The following USH2A variants were observed in gnomAD, a reference collection of about 807,000 sequenced individuals.
The protein encoded by USH2A is Usher syndrome 2A (autosomal recessive, mild).
Under a neutral mutation model 538.9 loss-of-function variants are expected in USH2A, and 443 were observed. That is an observed-to-expected ratio of 0.82 (90% CI 0.76 to 0.89). The LOEUF (loss-of-function observed/expected upper bound fraction) is 0.89. Ranked by LOEUF, USH2A falls within the 40% of genes least tolerant of loss-of-function variation. USH2A has a pLI of 0.00. For missense variants in USH2A, 6,633 were observed against 6,324.8 expected (o/e 1.05, Z -1.65); for synonymous variants, 2,413 against 2,273.5 (o/e 1.06, Z -1.75).
intron 21 of USH2A, among the ~76,000 whole-genome samples, chr1:216,147,103 C>T (rs1285335086): frequency 6.6e-6 from 1 of 152,142 alleles, no homozygotes; most frequent in East Asian, 1.9e-4. Flanking sequence ...ACCAGTTAAA[C>T]TCATCCCAAA....
intron 61 of USH2A, among the ~76,000 whole-genome samples, chr1:215,681,175 T>C (rs1658215287): frequency 6.6e-6 from 1 of 152,176 alleles, no homozygotes; most frequent in African/African-American, 2.4e-5. Context: ...AGCATTAACA[T>C]ATTTGGCATA....
At chr1:215,676,544 C>T (rs751367451) in intron 62 of USH2A, among the ~76,000 whole-genome samples, 2 of 152,206 alleles carry the variant, frequency 1.3e-5, no homozygotes, top group Non-Finnish European at 2.9e-5. Context: ...ACCCTTGAAA[C>T]ATTCCCAGAA....
intron 16 of USH2A, among the ~76,000 whole-genome samples, chr1:216,203,082 T>C (rs1286870848): frequency 6.6e-6 from 1 of 152,170 alleles, no homozygotes; most frequent in Non-Finnish European, 1.5e-5. Context: ...ACATGAATGA[T>C]TTTTCTATAC....
intron 19 of USH2A, among the ~76,000 whole-genome samples, chr1:216,195,257 C>T (rs966656675): frequency 1.3e-5 from 2 of 152,004 alleles, no homozygotes; most frequent in South Asian, 2.1e-4. Context: ...AGCCAAAAGC[C>T]GTAATACATT....
At chr1:216,262,064 G>A (rs181036593) in intron 11 of USH2A, among the ~76,000 whole-genome samples, 1 of 152,198 alleles carries the variant, frequency 6.6e-6, no homozygotes, top group Non-Finnish European at 1.5e-5. Context: ...ATCTACAGGA[G>A]TAAATCTTTC....
chr1:215,766,670 T>G lies in USH2A; in HGVS notation c.11047+11A>C. 3 of 1,610,308 alleles carry G rather than the reference T, an allele frequency of 1.9e-6. No homozygotes were observed. Among genetic ancestry groups the G allele is most frequent in the Non-Finnish European group, 2.5e-6 (3 of 1,176,626 alleles). ...ATTTCTTCCCTCAAACCATGGATAT[T>G]GTTTCATTACCTTCAGGAGCTGCCT... is the stretch of plus-strand genomic sequence containing the variant. On this transcript the variant is annotated intron_variant, in intron 56 of 71. Coordinates refer to ENST00000307340, the MANE Select transcript of USH2A (RefSeq NM_206933.4).
chr1:216,273,052 T>C lies in USH2A; in HGVS notation c.1971+16228A>G, dbSNP rs563051484. On this transcript the variant is annotated intron_variant, in intron 11 of 71. Coordinates refer to ENST00000307340, the MANE Select transcript of USH2A (RefSeq NM_206933.4). ...TAAAAATGATTATAATGAAACTAGG[T>C]GACCAGCTGTGCCCAGAAGCCTCCC... 3.3e-5 allele frequency among the ~76,000 whole-genome samples: 5 copies of C among 152,010 alleles called. No individual in the cohort carries two copies. The East Asian group carries it at 7.8e-4, about 24-fold the overall frequency.
intron 4 of USH2A, among the ~76,000 whole-genome samples, chr1:216,337,886 ATTT>A (rs1231504711): frequency 6.6e-6 from 1 of 151,356 alleles, no homozygotes; most frequent in Non-Finnish European, 1.5e-5. Flanking sequence ...ATAAAATGCA[ATTT>A]AATAAAAGAT....
At chr1:216,048,841 G>A (rs1320521753) in intron 30 of USH2A, among the ~76,000 whole-genome samples, 194 bp from the exon 31 acceptor site, 1 of 152,136 alleles carries the variant, frequency 6.6e-6, no homozygotes, top group East Asian at 1.9e-4. Context: ...AAGGACTCAT[G>A]AGAAAAAATT....
At chr1:216,162,468 G>A (rs1016392321) in intron 21 of USH2A, among the ~76,000 whole-genome samples, 2 of 151,630 alleles carry the variant, frequency 1.3e-5, no homozygotes, top group African/African-American at 2.4e-5. Context: ...TGCCTCTATC[G>A]ACTATTAACA....
chr1:216,291,419 T>G (rs149945326), intron 10 of USH2A, among the ~76,000 whole-genome samples: 70 of 152,328 alleles, frequency 4.6e-4, no homozygotes, highest in African/African-American at 1.6e-3. Context: ...CTTTCAATAG[T>G]CTGTCTTTCC....
rs139884389 is a variant in USH2A at position 215,709,483 on chromosome 1, G to A, written c.12066+18547C>T. Among the ~76,000 whole-genome samples, 911 of 151,214 alleles carry A rather than the reference G, an allele frequency of 6.0e-3. 12 individuals are homozygous for A. Among genetic ancestry groups the A allele is most frequent in the African/African-American group, 0.02 (838 of 41,106 alleles). On this transcript the variant is annotated intron_variant, in intron 61 of 71. Coordinates refer to ENST00000307340, the MANE Select transcript of USH2A (RefSeq NM_206933.4). ...ACCTATTATTAAGAAGAAAAACAGA[G>A]CAAAATCTTTTTCCTCTTTGAAAAT...
chr1:215,969,704 G>A (rs914557984), intron 36 of USH2A, among the ~76,000 whole-genome samples: 2 of 152,006 alleles, frequency 1.3e-5, no homozygotes, highest in African/African-American at 4.8e-5. Flanking sequence ...TGCTTGGAAA[G>A]CAACCAATCT....
chr1:216,406,583 T>C (rs939755595), intron 3 of USH2A, among the ~76,000 whole-genome samples: 1 of 152,190 alleles, frequency 6.6e-6, no homozygotes, highest in African/African-American at 2.4e-5. Context: ...GTTTTCAAAG[T>C]GTATGGGGTC....
intron 4 of USH2A, among the ~76,000 whole-genome samples, chr1:216,331,149 C>T (rs1487229506): frequency 1.3e-5 from 2 of 151,854 alleles, no homozygotes; most frequent in Non-Finnish European, 2.9e-5. Flanking sequence ...ATCATCCATC[C>T]CAAATAAAAG....
chr1:216,337,167 A>C (rs2102673092), intron 4 of USH2A, among the ~76,000 whole-genome samples: 1 of 151,596 alleles, frequency 6.6e-6, no homozygotes, highest in Admixed American at 6.6e-5. Context: ...AAAATATCTT[A>C]ATATTAATGA....
At chr1:216,161,801 T>G (rs1292946743) in intron 21 of USH2A, among the ~76,000 whole-genome samples, 1 of 152,082 alleles carries the variant, frequency 6.6e-6, no homozygotes, top group Non-Finnish European at 1.5e-5. Context: ...ACTGGTAGTT[T>G]TCTTTTGTTG....
At chr1:216,240,701 C>T (rs2035921541) in intron 13 of USH2A, among the ~76,000 whole-genome samples, 2 of 152,154 alleles carry the variant, frequency 1.3e-5, no homozygotes, top group South Asian at 2.1e-4. Flanking sequence ...AAAATTTTCT[C>T]CTCAAATTAC....
chr1:215,628,957 T>A lies in USH2A; in HGVS notation c.15376A>T (p.Ile5126Phe), dbSNP rs1027282224. Reference sequence around the variant, plus strand: ...AGGCTGGTTTGGTTTTGACTCGGGATGCGCAGGACACATGCACTCCGGTTG... The same window carrying A: ...AGGCTGGTTTGGTTTTGACTCGGGAAGCGCAGGACACATGCACTCCGGTTG... ...RSNRSACVLR[I>F]PSQNQTSLTY... Residue 5126 changes from isoleucine to phenylalanine, a missense_variant, in exon 71 of 72, where the codon ATC becomes TTC. Ile to Phe is a conservative substitution (Grantham distance 21). Transcript: ENST00000307340. 6.2e-6 allele frequency: 10 copies of A among 1,613,984 alleles called. No individual in the cohort carries two copies. Among genetic ancestry groups the A allele is most frequent in the Non-Finnish European group, 8.5e-6 (10 of 1,180,048 alleles).
Sources: gnomAD v4.1 joint callset for allele counts (sites outside exome capture counted in the v4.1 genomes callset) on GRCh38, gnomAD v4.1.1 for gene constraint, MANE v1.5 for transcripts, NCBI Gene and HGNC (gene_info 2026-07-23, HGNC 2026-07-21) for gene names.